The following SH3D19 variants were observed in gnomAD, a reference collection of about 807,000 sequenced individuals.
SH3D19 encodes the protein SH3 domain-containing protein 19.
SH3D19 carries 58 observed loss-of-function variants against 112.1 expected under a neutral mutation model. The observed-to-expected ratio is 0.52, with a 90% CI of 0.42 to 0.64. SH3D19 has a LOEUF of 0.64. SH3D19 is among the 30% of genes least tolerant of loss of function. The pLI is 0.00. For missense variants in SH3D19, 1,090 were observed against 1,263.4 expected, an observed-to-expected ratio of 0.86 and a Z score of 2.08; for synonymous variants, 391 against 448.5, an observed-to-expected ratio of 0.87 and a Z score of 1.62.
rs573695012 is a variant in SH3D19 at position 151,149,328 on chromosome 4, C to T, written c.1817+172G>A. Among the ~76,000 whole-genome samples, 12 of 152,240 alleles carry T rather than the reference C, an allele frequency of 7.9e-5. No homozygotes were observed. In the South Asian group the frequency reaches 1.0e-3, roughly 13 times the overall value. On this transcript the variant is annotated intron_variant, in intron 10 of 19. Transcript: ENST00000604030. ...CTGTGTTAAAAAGGGAGCAGAGATTCCCACAACCTACCATTAGGAGCAGAC... is the reference window on the plus strand; with the variant it reads ...CTGTGTTAAAAAGGGAGCAGAGATTTCCACAACCTACCATTAGGAGCAGAC...
chr4:151,130,722 A>G (rs895240998), intron 17 of SH3D19, among the ~76,000 whole-genome samples: 1 of 152,148 alleles, frequency 6.6e-6, no homozygotes, highest in African/African-American at 2.4e-5. Context: ...TGGGTGGATC[A>G]CGAGGTCAGG....
At chr4:151,276,968 C>T (rs1212628383) in intron 1 of SH3D19, among the ~76,000 whole-genome samples, 1 of 152,142 alleles carries the variant, frequency 6.6e-6, no homozygotes, top group African/African-American at 2.4e-5. Flanking sequence ...GCCACAGACC[C>T]CAGTTCCTCC....
At chr4:151,177,458 G>C (rs1760124654) in intron 4 of SH3D19, among the ~76,000 whole-genome samples, 2 of 152,058 alleles carry the variant, frequency 1.3e-5, no homozygotes, top group African/African-American at 4.8e-5. Context: ...AAGCAATTCT[G>C]ACACCTCAGC....
At chr4:151,202,238 G>A (rs1030470912) in intron 2 of SH3D19, among the ~76,000 whole-genome samples, 2 of 152,146 alleles carry the variant, frequency 1.3e-5, no homozygotes, top group African/African-American at 4.8e-5. Flanking sequence ...GGGAAGCTGA[G>A]GCAGGAGAAT....
intron 8 of SH3D19, among the ~76,000 whole-genome samples, chr4:151,160,684 C>CTCT (rs1554040705): frequency 9.6e-5 from 14 of 145,488 alleles, no homozygotes; most frequent in South Asian, 2.2e-4. Flanking sequence ...CTTTCTCTCT[C>CTCT]TTTTTTTTTT....
chr4:151,289,041 T>C (rs575826210), intron 1 of SH3D19, among the ~76,000 whole-genome samples: 11 of 152,370 alleles, frequency 7.2e-5, no homozygotes, highest in African/African-American at 2.4e-4. Context: ...GAGACATCTA[T>C]AGATCAATGA....
At chr4:151,298,704 A>G (rs1353102329) in intron 1 of SH3D19, among the ~76,000 whole-genome samples, 1 of 152,180 alleles carries the variant, frequency 6.6e-6, no homozygotes, top group Non-Finnish European at 1.5e-5. Context: ...GCATCCAAGA[A>G]AGCACTCATG....
At chr4:151,139,241 C>T (rs774033785) in intron 13 of SH3D19, among the ~76,000 whole-genome samples, 3 of 152,084 alleles carry the variant, frequency 2.0e-5, no homozygotes, top group Non-Finnish European at 4.4e-5. Context: ...GCAACCTCAG[C>T]CTCGCGGGTT....
chr4:151,127,223 A>G (rs891861980), intron 19 of SH3D19, among the ~76,000 whole-genome samples: 1 of 152,220 alleles, frequency 6.6e-6, no homozygotes, highest in African/African-American at 2.4e-5. Context: ...AAATTGTAGC[A>G]GGTGCTATCT....
At position 151,160,684 on chromosome 4, in the gene SH3D19, CT is replaced by C. The variant is rs35888994; in HGVS notation, c.1643-1333del. Among the ~76,000 whole-genome samples the C allele has an allele frequency of 1.8e-3, 259 of 145,476 alleles. 2 individuals carry two copies. Among genetic ancestry groups the C allele is most frequent in the African/African-American group, 4.8e-3 (192 of 39,736 alleles). On this transcript the variant is annotated intron_variant, in intron 8 of 19. Transcript: ENST00000604030. Reference sequence around the variant, plus strand: ...ATGAGCACTCTGTCTCTTTCTCTCTCTTTTTTTTTTTTTCAAATGTACACTC... The same window carrying C: ...ATGAGCACTCTGTCTCTTTCTCTCTCTTTTTTTTTTTTCAAATGTACACTC...
At chr4:151,192,760 G>C (rs1400289283) in intron 2 of SH3D19, among the ~76,000 whole-genome samples, 4 of 152,090 alleles carry the variant, frequency 2.6e-5, no homozygotes, top group Non-Finnish European at 4.4e-5. Context: ...TGTTCCTTTA[G>C]GTCATCCTTC....
At chr4:151,275,982 A>G (rs1178209152) in intron 1 of SH3D19, among the ~76,000 whole-genome samples, 2 of 151,892 alleles carry the variant, frequency 1.3e-5, no homozygotes, top group East Asian at 3.9e-4. Context: ...AGCTGTGACT[A>G]CAGGTGCACG....
At chr4:151,270,635 A>G (rs1362343133) in intron 1 of SH3D19, among the ~76,000 whole-genome samples, 1 of 148,882 alleles carries the variant, frequency 6.7e-6, no homozygotes, top group East Asian at 2.0e-4. Flanking sequence ...GGTTTATAAC[A>G]GCACCACCAT....
intron 1 of SH3D19, among the ~76,000 whole-genome samples, chr4:151,256,871 G>A (rs539940750): frequency 2.0e-5 from 3 of 151,810 alleles, no homozygotes; most frequent in Non-Finnish European, 4.4e-5. Context: ...CTCCCAAGTA[G>A]CTGGGATTAC....
At chr4:151,139,992 G>A in intron 12 of SH3D19, 145 bp from the exon 13 acceptor site, 7 of 581,632 alleles carry the variant, frequency 1.2e-5, no homozygotes, top group Non-Finnish European at 2.1e-5. Context: ...ACACAGTTGA[G>A]CCAAACAAGG....
chr4:151,258,992 G>C (rs1314912749), intron 1 of SH3D19, among the ~76,000 whole-genome samples: 1 of 152,086 alleles, frequency 6.6e-6, no homozygotes, highest in Non-Finnish European at 1.5e-5. Context: ...ACTAGGAAAG[G>C]CTGCACAGGG....
intron 8 of SH3D19, among the ~76,000 whole-genome samples, chr4:151,161,810 G>T (rs1386518284): frequency 6.8e-6 from 1 of 147,396 alleles, no homozygotes; most frequent in African/African-American, 2.5e-5. Flanking sequence ...TGTCACCCAG[G>T]CTGGAATGTG....
chr4:151,236,991 G>A (rs1770113850), intron 1 of SH3D19, among the ~76,000 whole-genome samples: 2 of 152,204 alleles, frequency 1.3e-5, no homozygotes, highest in Admixed American at 6.5e-5. Context: ...GCCAGCAGCA[G>A]CAACATGCTG....
chr4:151,229,509 T>C (rs559945486), intron 1 of SH3D19, among the ~76,000 whole-genome samples: 2 of 151,980 alleles, frequency 1.3e-5, no homozygotes, highest in African/African-American at 2.4e-5. Context: ...CACACACACA[T>C]ACACACACAC....
Sources: gnomAD v4.1 joint callset for allele counts (sites outside exome capture counted in the v4.1 genomes callset) on GRCh38, gnomAD v4.1.1 for gene constraint, MANE v1.5 for transcripts, NCBI Gene and HGNC (gene_info 2026-07-23, HGNC 2026-07-21) for gene names.